LYPD8: variants seen among roughly 807,000 people sequenced by gnomAD.
LYPD8 encodes LY6/PLAUR domain containing 8.
Under a neutral mutation model 1.7 loss-of-function variants are expected in LYPD8, and 8 were observed. That is an observed-to-expected ratio of 4.58 (90% CI 2.69 to 8.27). The LOEUF is 8.27. Among genes scored for constraint, LYPD8 ranks in the 30% most tolerant of loss-of-function variants. The pLI, the probability that LYPD8 is intolerant of heterozygous loss-of-function variation, is 0.00. For synonymous variants in LYPD8, 50 were observed against 43.6 expected (o/e 1.15, Z -0.58); for missense variants, 112 against 102.3 (o/e 1.09, Z -0.41).
chr1:248,749,617 C>A (rs1478252498), intron 4 of LYPD8, among the ~76,000 whole-genome samples: 4 of 151,936 alleles, frequency 2.6e-5, no homozygotes, highest in Admixed American at 2.0e-4. Context: ...TTATCAGGAA[C>A]CCACCTCCAC....
chr1:248,745,506 A>C (rs1035243684), intron 5 of LYPD8, among the ~76,000 whole-genome samples: 55 of 152,326 alleles, frequency 3.6e-4, no homozygotes, highest in Non-Finnish European at 7.1e-4. Flanking sequence ...ACTGTGGCCC[A>C]TCAGTGTGTT....
intron 5 of LYPD8, among the ~76,000 whole-genome samples, chr1:248,745,647 A>C (rs1407528239): frequency 2.0e-5 from 3 of 152,244 alleles, no homozygotes; most frequent in Non-Finnish European, 4.4e-5. Flanking sequence ...GAACAAATGA[A>C]CACAGGCCAC....
At chr1:248,754,503 T>C (rs2103175757) in intron 2 of LYPD8, among the ~76,000 whole-genome samples, 1 of 148,454 alleles carries the variant, frequency 6.7e-6, no homozygotes, top group South Asian at 2.2e-4. Flanking sequence ...ACATGCACCA[T>C]ATGCCTCCAC....
At chr1:248,748,716 T>A (rs1288454488) in intron 4 of LYPD8, among the ~76,000 whole-genome samples, 1 of 152,086 alleles carries the variant, frequency 6.6e-6, no homozygotes, top group Non-Finnish European at 1.5e-5. Context: ...AAATGGTTGG[T>A]CCAAGTGGAC....
At chr1:248,745,094 A>G (rs1379853560) in intron 6 of LYPD8, 48 bp downstream of exon 6, 3 of 398,012 alleles carry the variant, frequency 7.5e-6, no homozygotes, top group East Asian at 3.6e-5. Flanking sequence ...AAGACTTGAC[A>G]TGTTTCCAGC....
intron 6 of LYPD8, among the ~76,000 whole-genome samples, chr1:248,742,883 G>A (rs1438910379): frequency 1.5e-4 from 19 of 126,830 alleles, no homozygotes; most frequent in African/African-American, 1.0e-4. Context: ...TTGGCAGCCG[G>A]GTAGATTACG....
chr1:248,750,717 G>C (rs1662786494), intron 3 of LYPD8, 74 bp from the exon 4 acceptor site: 2 of 398,264 alleles, frequency 5.0e-6, no homozygotes, highest in African/African-American at 2.1e-5. Flanking sequence ...TCTAGGAAAA[G>C]CACTGCTCCC....
At chr1:248,752,688 AC>A (rs1363473060) in intron 2 of LYPD8, among the ~76,000 whole-genome samples, 1 of 102,500 alleles carries the variant, frequency 9.8e-6, no homozygotes, top group African/African-American at 3.8e-5. Context: ...CACACACCAC[AC>A]CCCACAACAC....
chr1:248,745,016 T>C (rs1662706316), intron 6 of LYPD8, 126 bp downstream of exon 6: 1 of 392,506 alleles, frequency 2.5e-6, no homozygotes. Flanking sequence ...TTAAAGACAT[T>C]ATGGCCCTTA....
rs1662746177 is a variant in LYPD8 at position 248,748,369 on chromosome 1, T to C, written c.257A>G (p.His86Arg). 1 of 455,836 alleles carries C rather than the reference T, an allele frequency of 2.2e-6. No individual in the cohort carries two copies. Among genetic ancestry groups the C allele is most frequent in the Admixed American group, 4.4e-5 (1 of 22,930 alleles). The allele number at this position is 455,836 out of a possible 1,614,324, so 28.2% of individuals were successfully genotyped here. A position where few individuals can be genotyped will look rare whatever the true frequency, so the allele number is the denominator to read the frequency against. ...ATGAAAGTGTTCTTCAGCAGACACG[T>C]GGACAGTGAAGGCTGTAATGTGTGT... is the stretch of plus-strand genomic sequence containing the variant. ...EETHITAFTV[H>R]VSAEEHFHFV... Residue 86 changes from histidine to arginine, a missense_variant, in exon 5 of 7, where the codon CAC (histidine) becomes CGC (arginine). By Grantham distance (29) the His-to-Arg change is conservative. Transcript: ENST00000590317.
chr1:248,752,745 A>G (rs1427384140), intron 2 of LYPD8, among the ~76,000 whole-genome samples: 2 of 98,558 alleles, frequency 2.0e-5, no homozygotes, highest in Non-Finnish European at 4.2e-5. Flanking sequence ...CACACACACC[A>G]CACACCCCAC....
intron 2 of LYPD8, among the ~76,000 whole-genome samples, chr1:248,752,622 A>AT (rs1662820267): frequency 8.0e-6 from 1 of 125,752 alleles, no homozygotes; most frequent in African/African-American, 3.0e-5. Flanking sequence ...CACATCACAC[A>AT]CACACACCAC....
At chr1:248,751,775 G>A (rs1321274608) in intron 2 of LYPD8, among the ~76,000 whole-genome samples, 2 of 151,962 alleles carry the variant, frequency 1.3e-5, no homozygotes, top group Admixed American at 1.3e-4. Context: ...GTCCCCAACC[G>A]CCAGCCCACA....
intron 2 of LYPD8, among the ~76,000 whole-genome samples, chr1:248,751,884 GTC>G (rs1219213161): frequency 6.6e-6 from 1 of 152,048 alleles, no homozygotes; most frequent in Non-Finnish European, 1.5e-5. Context: ...TGTCACCAAT[GTC>G]TCTGCACCTT....
chr1:248,743,231 G>A (rs986913011), intron 6 of LYPD8, among the ~76,000 whole-genome samples: 27 of 152,144 alleles, frequency 1.8e-4, no homozygotes, highest in Admixed American at 1.4e-3. Context: ...TTCGGAGACC[G>A]AGGCGGGCGG....
Position 248,739,899 on chromosome 1 carries a change from CCA to C in LYPD8, c.476-52_476-51del, listed in dbSNP as rs1164771267. On this transcript the variant is annotated intron_variant, in intron 6 of 6. Transcript: ENST00000590317. This position sits in a 1 kb window ranked among gnomAD's most constrained non-coding sequence, Gnocchi z 4.3. ...GGACGCCACTCAGTCCTTTGTCCTTCCACCCACGCCTGCTCTTAGTTCTTCAC... is the reference window on the plus strand; with the variant it reads ...GGACGCCACTCAGTCCTTTGTCCTTCCCCACGCCTGCTCTTAGTTCTTCAC... 4.5e-6 allele frequency: 7 copies of C among 1,546,034 alleles called. No individual in the cohort carries two copies. In the African/African-American group the frequency reaches 9.6e-5, roughly 21 times the overall value.
chr1:248,741,811 G>C (rs1662605253), intron 6 of LYPD8, among the ~76,000 whole-genome samples: 1 of 152,174 alleles, frequency 6.6e-6, no homozygotes, highest in Non-Finnish European at 1.5e-5. Context: ...AAAGTGAAAG[G>C]AGCTTTAAAT....
chr1:248,742,989 G>T (rs1305169930), intron 6 of LYPD8, among the ~76,000 whole-genome samples: 2 of 135,384 alleles, frequency 1.5e-5, no homozygotes, highest in East Asian at 4.4e-4. Flanking sequence ...TTGGCAGCCG[G>T]GGGAGGTTAC....
chr1:248,748,266 TCGCCCG>T lies in LYPD8; in HGVS notation c.337+17_337+22del. On this transcript the variant is annotated intron_variant, in intron 5 of 6. Coordinates refer to ENST00000590317, the MANE Select transcript of LYPD8 (RefSeq NM_001085474.2). ...GCACGGCCAGCACCCACCCAGGGCA[TCGCCCG>T]CACGGCCAGCACCCACCCAGGGCAT... 2.4e-6 allele frequency: 1 copy of T among 419,916 alleles called. No individual in the cohort carries two copies. The highest frequency in any genetic ancestry group is 5.6e-5 in the South Asian group (1 of 17,794). 26.0% of individuals were successfully genotyped at this position (419,916 alleles called of 1,614,324 possible).
Sources: allele counts gnomAD v4.1 joint callset (sites outside exome capture counted in the v4.1 genomes callset), GRCh38; gene constraint gnomAD v4.1.1; non-coding constraint Gnocchi (gnomAD v3.1); transcripts MANE v1.5; gene names NCBI Gene and HGNC (gene_info 2026-07-23, HGNC 2026-07-21).